The following MAML2 variants were observed in gnomAD, a reference collection of about 807,000 sequenced individuals.
MAML2 encodes the protein mastermind-like protein 2.
A neutral mutation model predicts 96.1 loss-of-function variants in MAML2; 22 were observed. That is an observed-to-expected ratio of 0.23 (90% CI 0.16 to 0.33). The LOEUF (loss-of-function observed/expected upper bound fraction) is 0.33. MAML2 is among the 10% of genes least tolerant of loss of function. MAML2 has a pLI of 1.00. For synonymous variants in MAML2, 561 were observed against 521.3 expected (o/e 1.08, Z -1.04); for missense variants, 1,367 against 1,392.4 (o/e 0.98, Z 0.29).
intron 1 of MAML2, among the ~76,000 whole-genome samples, chr11:96,157,297 T>A (rs1861024947): frequency 1.3e-5 from 2 of 152,250 alleles, no homozygotes; most frequent in African/African-American, 2.4e-5. Flanking sequence ...TGTCCAAAGT[T>A]AAGAGCTTCC....
chr11:96,302,721 C>T (rs927381137), intron 1 of MAML2, among the ~76,000 whole-genome samples: 20 of 152,232 alleles, frequency 1.3e-4, no homozygotes, highest in Admixed American at 7.8e-4. Flanking sequence ...GTTCTTGTAA[C>T]GAATTACTCT....
At chr11:96,137,754 TGAA>T (rs1860660797) in intron 1 of MAML2, among the ~76,000 whole-genome samples, 1 of 152,228 alleles carries the variant, frequency 6.6e-6, no homozygotes, top group South Asian at 2.1e-4. Flanking sequence ...ACTTGGATAA[TGAA>T]TATTATTATT....
intron 1 of MAML2, among the ~76,000 whole-genome samples, chr11:96,209,264 G>T (rs1340680647): frequency 1.3e-5 from 2 of 151,704 alleles, no homozygotes; most frequent in Non-Finnish European, 2.9e-5. Flanking sequence ...TGGGACAAGG[G>T]TACCTTCTTC....
chr11:96,134,501 A>G (rs1860596946), intron 1 of MAML2, among the ~76,000 whole-genome samples: 1 of 152,238 alleles, frequency 6.6e-6, no homozygotes, highest in East Asian at 1.9e-4. Context: ...TGTTTAGAAG[A>G]TCATGCTTCC....
intron 1 of MAML2, among the ~76,000 whole-genome samples, chr11:96,126,606 C>T (rs542885907): frequency 1.6e-4 from 24 of 152,146 alleles, no homozygotes; most frequent in African/African-American, 4.6e-4. Flanking sequence ...GTACTGTATC[C>T]GGATTCTGAT....
intron 1 of MAML2, among the ~76,000 whole-genome samples, chr11:96,250,248 T>A (rs1260947982): frequency 6.7e-6 from 1 of 148,834 alleles, no homozygotes; most frequent in African/African-American, 2.5e-5. Flanking sequence ...GTTTAAAATT[T>A]AAAAATTTTT....
intron 1 of MAML2, among the ~76,000 whole-genome samples, chr11:96,319,042 G>C (rs779128676): frequency 6.6e-6 from 1 of 152,208 alleles, no homozygotes; most frequent in Non-Finnish European, 1.5e-5. Flanking sequence ...TGTGACTTTT[G>C]AGATAAGGTT....
chr11:96,335,718 G>A lies in MAML2; in HGVS notation c.513+5665C>T, dbSNP rs1432284017. On this transcript the variant is annotated intron_variant, in intron 1 of 4. Transcript: ENST00000524717. The stretch of plus-strand genomic sequence containing the variant: ...TCATAGCTGTTGATTCCTTGGAGCC[G>A]TCCTTGCTCTACCATTTTCCAGGGC... Among the ~76,000 whole-genome samples the A allele has an allele frequency of 4.6e-5, 7 of 152,236 alleles. No individual in the cohort carries two copies. In the South Asian group the frequency reaches 6.2e-4, roughly 14 times the overall value.
At chr11:96,065,328 T>G (rs1859227619) in intron 2 of MAML2, among the ~76,000 whole-genome samples, 1 of 152,154 alleles carries the variant, frequency 6.6e-6, no homozygotes, top group African/African-American at 2.4e-5. Context: ...GGGCAAAGTA[T>G]GTGATTTTAA....
intron 2 of MAML2, among the ~76,000 whole-genome samples, chr11:96,048,790 A>T (rs980192267): frequency 2.6e-5 from 4 of 152,106 alleles, no homozygotes; most frequent in Non-Finnish European, 5.9e-5. Context: ...TATTTTTTCC[A>T]TCCTTCATGC....
At chr11:96,019,834 G>A (rs924916601) in intron 2 of MAML2, among the ~76,000 whole-genome samples, 13 of 152,200 alleles carry the variant, frequency 8.5e-5, no homozygotes, top group African/African-American at 2.9e-4. Context: ...GGAAGAATAT[G>A]ATTATACATC....
intron 1 of MAML2, among the ~76,000 whole-genome samples, chr11:96,134,698 A>G (rs1860599571): frequency 6.6e-6 from 1 of 152,226 alleles, no homozygotes; most frequent in South Asian, 2.1e-4. Flanking sequence ...CATTGTGGTA[A>G]AAAGTAAGTG....
At chr11:96,246,965 T>C (rs560876359) in intron 1 of MAML2, among the ~76,000 whole-genome samples, 1 of 152,238 alleles carries the variant, frequency 6.6e-6, no homozygotes, top group East Asian at 1.9e-4. Flanking sequence ...TTTCTTTTCA[T>C]GTGTGGCATG....
chr11:96,216,503 T>C (rs1862051621), intron 1 of MAML2, among the ~76,000 whole-genome samples: 1 of 152,158 alleles, frequency 6.6e-6, no homozygotes, highest in Non-Finnish European at 1.5e-5. Flanking sequence ...TTTGTAGCTT[T>C]ACATGTAGAC....
chr11:96,242,923 T>G (rs1311700241), intron 1 of MAML2, among the ~76,000 whole-genome samples: 1 of 152,152 alleles, frequency 6.6e-6, no homozygotes, highest in African/African-American at 2.4e-5. Context: ...TAGCCTAGGG[T>G]TGAATGCATT....
chr11:96,072,665 GAGA>G (rs1342114438), intron 2 of MAML2, among the ~76,000 whole-genome samples: 2 of 152,148 alleles, frequency 1.3e-5, no homozygotes, highest in Non-Finnish European at 2.9e-5. Flanking sequence ...CGCTGTCAAG[GAGA>G]AGGCCACTTA....
At chr11:96,162,963 A>G (rs1176052658) in intron 1 of MAML2, among the ~76,000 whole-genome samples, 3 of 152,208 alleles carry the variant, frequency 2.0e-5, no homozygotes, top group Non-Finnish European at 4.4e-5. Flanking sequence ...AATCCATGAT[A>G]TGCAGGCCTT....
chr11:96,031,696 CTA>C (rs1379474262), intron 2 of MAML2, among the ~76,000 whole-genome samples: 5 of 152,076 alleles, frequency 3.3e-5, no homozygotes, highest in African/African-American at 7.2e-5. Context: ...GTTAAATTAC[CTA>C]TATCTGGCCG....
intron 1 of MAML2, among the ~76,000 whole-genome samples, chr11:96,219,192 T>C (rs529487914): frequency 6.6e-6 from 1 of 152,348 alleles, no homozygotes; most frequent in South Asian, 2.1e-4. Flanking sequence ...GGGCACTCAA[T>C]GTATTTAGGT....
Sources: gnomAD v4.1 joint callset for allele counts (sites outside exome capture counted in the v4.1 genomes callset) on GRCh38, gnomAD v4.1.1 for gene constraint, MANE v1.5 for transcripts, NCBI Gene and HGNC (gene_info 2026-07-23, HGNC 2026-07-21) for gene names.